DNAH11: variants seen among roughly 807,000 people sequenced by gnomAD.
DNAH11 encodes the protein axonemal beta dynein heavy chain 11.
Under a neutral mutation model 526.0 loss-of-function variants are expected in DNAH11, and 442 were observed. The observed-to-expected ratio is 0.84, with a 90% CI of 0.78 to 0.91. The LOEUF is 0.91. Ranked by LOEUF, DNAH11 falls within the 40% of genes least tolerant of loss-of-function variation. The pLI is 0.00. For synonymous variants in DNAH11, 2,461 were observed against 1,935.9 expected (o/e 1.27, Z -7.12); for missense variants, 6,989 against 5,448.7 (o/e 1.28, Z -8.90).
rs1175997511 is a variant in DNAH11, at chr7:21,884,173, ATCC to A, written c.12388-113_12388-111del. On this transcript the variant is annotated intron_variant, in intron 75 of 81. Coordinates refer to ENST00000409508, the MANE Select transcript of DNAH11 (RefSeq NM_001277115.2). ...TAGACAATTTCTGAAGCACCTTTAA[ATCC>A]TCCTATTGACGGAGGCTTGGAGGGC... 5 of 831,702 alleles carry A rather than the reference ATCC, an allele frequency of 6.0e-6. No individual in the cohort carries two copies. The East Asian group carries it at 1.2e-4, about 21-fold the overall frequency. 51.5% of individuals were successfully genotyped at this position (831,702 alleles called of 1,614,324 possible). A position where few individuals can be genotyped will look rare whatever the true frequency, so the allele number is the denominator to read the frequency against.
intron 76 of DNAH11, among the ~76,000 whole-genome samples, chr7:21,885,860 A>G (rs186894868): frequency 6.6e-6 from 1 of 152,244 alleles, no homozygotes; most frequent in Non-Finnish European, 1.5e-5. Flanking sequence ...TCCTTTTCCC[A>G]TTTCTCATCT....
At chr7:21,773,543 C>A (rs1466240475) in intron 55 of DNAH11, among the ~76,000 whole-genome samples, 8 of 151,928 alleles carry the variant, frequency 5.3e-5, no homozygotes, top group African/African-American at 1.9e-4. Context: ...ACATAAAAAC[C>A]CTTTGTCCTA....
chr7:21,634,571 G>T (rs969476915), intron 25 of DNAH11, among the ~76,000 whole-genome samples: 8 of 152,160 alleles, frequency 5.3e-5, no homozygotes, highest in African/African-American at 1.9e-4. Flanking sequence ...ATACTAGCTA[G>T]GCTCCATGGC....
At position 21,864,539 on chromosome 7, in the gene DNAH11, T is replaced by C; in HGVS notation, c.11378T>C (p.Leu3793Ser). ...TCAATTTTGTCTACTCTCAAGATTTTGTTGAGAAAGAAAGAGATAGACCCT... is the reference window on the plus strand; with the variant it reads ...TCAATTTTGTCTACTCTCAAGATTTCGTTGAGAAAGAAAGAGATAGACCCT... ...TFLSQMAFQI[L>S]LRKKEIDPLE... The change falls in exon 70 of 82, where the codon TTG becomes TCG. Residue 3793 changes from leucine (L) to serine (S), a missense_variant. Leu to Ser is a moderately radical substitution (Grantham distance 145). Coordinates refer to ENST00000409508, the MANE Select transcript of DNAH11 (RefSeq NM_001277115.2). The C allele has an allele frequency of 6.2e-7, 1 of 1,611,072 alleles. No individual in the cohort carries two copies. The highest frequency in any genetic ancestry group is 8.5e-7 in the Non-Finnish European group (1 of 1,178,680).
intron 69 of DNAH11, 103 bp downstream of exon 69, chr7:21,862,126 T>TA (rs1286305086): frequency 4.3e-5 from 53 of 1,235,762 alleles, no homozygotes; most frequent in Non-Finnish European, 6.4e-6. Flanking sequence ...AATAGACTTT[T>TA]TTTTTTTTTT....
At chr7:21,764,083 T>C (rs1439785850) in intron 54 of DNAH11, among the ~76,000 whole-genome samples, 1 of 152,068 alleles carries the variant, frequency 6.6e-6, no homozygotes, top group African/African-American at 2.4e-5. Flanking sequence ...GTTTCAGTAA[T>C]GCAAGGTGAA....
At chr7:21,747,684 G>T (rs1741290278) in intron 51 of DNAH11, among the ~76,000 whole-genome samples, 1 of 152,224 alleles carries the variant, frequency 6.6e-6, no homozygotes, top group Non-Finnish European at 1.5e-5. Flanking sequence ...TTAACTTTGT[G>T]TTACTGAATG....
intron 5 of DNAH11, among the ~76,000 whole-genome samples, chr7:21,563,037 G>T (rs1190157861): frequency 6.6e-6 from 1 of 152,070 alleles, no homozygotes; most frequent in African/African-American, 2.4e-5. Context: ...TTCCTCAAGG[G>T]TATTTGTAGC....
At chr7:21,576,089 C>T (rs1055679973) in intron 8 of DNAH11, among the ~76,000 whole-genome samples, 6 of 152,134 alleles carry the variant, frequency 3.9e-5, no homozygotes, top group Non-Finnish European at 7.4e-5. Flanking sequence ...CACCTGTCAC[C>T]GAGACTCCTC....
At chr7:21,705,602 C>G (rs1194752879) in intron 39 of DNAH11, 65 bp downstream of exon 39, 2 of 1,524,824 alleles carry the variant, frequency 1.3e-6, no homozygotes, top group Non-Finnish European at 1.8e-6. Flanking sequence ...GTGGTTCGGC[C>G]TATTTTCAAT....
At chr7:21,724,807 A>AG (rs1461182183) in intron 44 of DNAH11, among the ~76,000 whole-genome samples, 6,328 of 47,806 alleles carry the variant, frequency 0.13, 1 homozygote, top group East Asian at 0.25. Context: ...GTGGATGCAT[A>AG]GAGGTATCAC....
intron 63 of DNAH11, 139 bp from the exon 64 acceptor site, chr7:21,816,328 T>G: frequency 1.5e-6 from 1 of 671,208 alleles, no homozygotes; most frequent in Non-Finnish European, 2.6e-6. Context: ...ATGAGTTGTG[T>G]TTGGCTTCTG....
rs1786267312 is a variant in DNAH11, at chr7:21,748,661, G to C, written c.8592G>C (p.Leu2864Phe). ...VGVGGSGKQS[L>F]SRLAAYLRGL... ...TTGGGGGCAGTGGCAAGCAGAGCTT[G>C]TCCAGGCTGGCAGCTTACCTTCGTG... is the stretch of plus-strand genomic sequence containing the variant. The change falls in exon 52 of 82, where the codon TTG becomes TTC. Residue 2864 changes from leucine (L) to phenylalanine (F), a missense_variant. By Grantham distance (22) the Leu-to-Phe change is conservative (BLOSUM62 0). Coordinates refer to ENST00000409508, the MANE Select transcript of DNAH11 (RefSeq NM_001277115.2). 2 of 1,613,750 alleles carry C rather than the reference G, an allele frequency of 1.2e-6. No individual in the cohort carries two copies. Among genetic ancestry groups the C allele is most frequent in the Middle Eastern group, 1.7e-4 (1 of 6,060 alleles).
rs780397292 is a variant in DNAH11 at position 21,899,425 on chromosome 7, TC to T, written c.13140del (p.Phe4380LeufsTer7). Reference protein sequence around the residue: ...LPAVVWLSGFFNPQSFLTAIM... With the variant: ...LPAVVWLSGFXNPQSFLTAIM... ...GCTGTCGTGTGGCTCTCCGGCTTCT[TC>T]AACCCTCAGTCCTTCTTAACTGGTA... is the stretch of plus-strand genomic sequence containing the variant. On this transcript the variant is annotated frameshift_variant, in exon 80 of 82. Coordinates refer to ENST00000409508, the MANE Select transcript of DNAH11 (RefSeq NM_001277115.2). LOFTEE classifies it high-confidence loss of function. 4.3e-6 allele frequency: 7 copies of T among 1,613,700 alleles called. No individual in the cohort carries two copies. Among genetic ancestry groups the T allele is most frequent in the Non-Finnish European group, 8.5e-7 (1 of 1,179,774 alleles).
intron 35 of DNAH11, among the ~76,000 whole-genome samples, chr7:21,696,360 A>G (rs1223981781): frequency 2.0e-5 from 3 of 152,168 alleles, no homozygotes; most frequent in Non-Finnish European, 2.9e-5. Context: ...TGTTTAAACA[A>G]TTATTTTCCC....
chr7:21,859,739 A>G (rs1478637593), intron 68 of DNAH11, among the ~76,000 whole-genome samples: 1 of 152,038 alleles, frequency 6.6e-6, no homozygotes, highest in Non-Finnish European at 1.5e-5. Flanking sequence ...TTTCAAATTT[A>G]TATTTATATA....
chr7:21,789,785 C>CTTTCTTTCTTTCTTTCTTTCTTTCTTT (rs1788362610), intron 61 of DNAH11, among the ~76,000 whole-genome samples: 3 of 94,472 alleles, frequency 3.2e-5, no homozygotes, highest in African/African-American at 1.3e-4. Context: ...TTCTTTCTTT[C>CTTTCTTTCTTTCTTTCTTTCTTTCTTT]TTTCTTTCTT....
chr7:21,731,214 A>G (rs1785370095), intron 45 of DNAH11, among the ~76,000 whole-genome samples: 2 of 152,194 alleles, frequency 1.3e-5, no homozygotes, highest in African/African-American at 4.8e-5. Context: ...CAATATATAC[A>G]TATTTCAAAA....
chr7:21,637,237 C>G (rs76377843), intron 26 of DNAH11, among the ~76,000 whole-genome samples: 4,571 of 151,814 alleles, frequency 0.03, 180 homozygotes, highest in African/African-American at 0.082. Context: ...TCCTTCTCCT[C>G]CCCCTCTGCC....
Sources: allele counts gnomAD v4.1 joint callset (sites outside exome capture counted in the v4.1 genomes callset), GRCh38; gene constraint gnomAD v4.1.1; transcripts MANE v1.5; gene names NCBI Gene and HGNC (gene_info 2026-07-23, HGNC 2026-07-21).